Variants in FIGNL2 observed in about 807,000 individuals in gnomAD.
The protein encoded by FIGNL2 is fidgetin like 2.
For synonymous variants in FIGNL2, 565 were observed against 484.0 expected, an observed-to-expected ratio of 1.17 and a Z score of -2.20; for missense variants, 1,060 against 950.2, an observed-to-expected ratio of 1.12 and a Z score of -1.52.
chr12:51,821,731 G>A lies in FIGNL2; in HGVS notation c.683C>T (p.Ala228Val). The A allele has an allele frequency of 1.5e-6, 2 of 1,302,190 alleles. No homozygotes were observed. Among genetic ancestry groups the A allele is most frequent in the Admixed American group, 4.2e-5 (1 of 23,680 alleles). 80.7% of individuals were successfully genotyped at this position (1,302,190 alleles called of 1,614,324 possible). ...GGGCAGGCCCGGGGTCAGGTAGGGG[G>A]CCGGGGGTGGGCCTGGGGGCGGCGG... ...ALPPPPGPPP[A>V]PYLTPGLPAP... The change falls in exon 2 of 2, where the codon GCC becomes GTC. Residue 228 changes from alanine (A) to valine (V), a missense_variant. Coordinates refer to ENST00000618634, the MANE Select transcript of FIGNL2 (RefSeq NM_001384995.1).
At chr12:51,844,329 C>T (rs1175972322) in intron 1 of FIGNL2, among the ~76,000 whole-genome samples, 17 of 152,202 alleles carry the variant, frequency 1.1e-4, no homozygotes, top group Admixed American at 1.1e-3. Context: ...TAAGAACCCC[C>T]ACTCTGCCTC....
chr12:51,844,626 C>A, intron 1 of FIGNL2: 1 of 861,954 alleles, frequency 1.2e-6, no homozygotes, highest in African/African-American at 1.8e-5. Context: ...AGATGAGATA[C>A]AGAGTGTTTA....
chr12:51,829,630 AGTGTGCCAGCCACT>A (rs1939412385), intron 1 of FIGNL2, among the ~76,000 whole-genome samples: 1 of 152,114 alleles, frequency 6.6e-6, no homozygotes, highest in African/African-American at 2.4e-5. Flanking sequence ...TGATACCTTG[AGTGTGCCAGCCACT>A]GTGTGCCAGC....
chr12:51,827,072 T>A (rs1939360980), intron 1 of FIGNL2, among the ~76,000 whole-genome samples: 1 of 152,320 alleles, frequency 6.6e-6, no homozygotes, highest in South Asian at 2.1e-4. Flanking sequence ...GAAAATGCTG[T>A]CTCCCTGCCC....
intron 1 of FIGNL2, among the ~76,000 whole-genome samples, chr12:51,834,793 C>T (rs563700978): frequency 2.0e-5 from 3 of 152,372 alleles, no homozygotes; most frequent in African/African-American, 7.2e-5. Flanking sequence ...GCCAGGGGCC[C>T]AGCACCCTTG....
Position 51,821,828 on chromosome 12 carries a change from A to C in FIGNL2, c.586T>G (p.Tyr196Asp). ...ALLQPPPPPG[Y>D]GPSAPLYNYP... ...TTGTACAGCGGCGCTGAGGGCCCGT[A>C]CCCCGGAGGCGGTGGGGGCTGCAGG... is the stretch of plus-strand genomic sequence containing the variant. Residue 196 changes from tyrosine (Y) to aspartate (D), a missense_variant, in exon 2 of 2, where the codon TAC becomes GAC. By Grantham distance (160) the Tyr-to-Asp change is radical (BLOSUM62 -3). Coordinates refer to ENST00000618634, the MANE Select transcript of FIGNL2 (RefSeq NM_001384995.1). 1 of 1,275,824 alleles carries C rather than the reference A, an allele frequency of 7.8e-7. No individual in the cohort carries two copies. The highest frequency in any genetic ancestry group is 9.9e-7 in the Non-Finnish European group (1 of 1,015,134). The allele number at this position is 1,275,824 out of a possible 1,614,324, so 79.0% of individuals were successfully genotyped here.
At chr12:51,823,617 C>G (rs1401318713) in intron 1 of FIGNL2, 1 of 152,242 alleles carries the variant, frequency 6.6e-6, no homozygotes, top group East Asian at 1.9e-4. Context: ...AGGCACAGGG[C>G]TCCTGTGGGC....
At position 51,821,373 on chromosome 12, in the gene FIGNL2, CT is replaced by C; in HGVS notation, c.1040del (p.Lys347SerfsTer32). ...GAGGAGCCGGGGCCCGCTCCGGGAA[CT>C]TTTCAAAGGGCTCCAGTTGCGGGCC... is the stretch of plus-strand genomic sequence containing the variant. The part of the protein sequence containing the change: ...VYGPQLEPFE[K>X]FPERAPAPRG... On this transcript the variant is annotated frameshift_variant, in exon 2 of 2. Transcript: ENST00000618634. LOFTEE classifies it low-confidence loss of function (END_TRUNC). 6.6e-7 allele frequency: 1 copy of C among 1,507,370 alleles called. No individual in the cohort carries two copies. The allele number at this position is 1,507,370 out of a possible 1,614,324, so 93.4% of individuals were successfully genotyped here. A position where few individuals can be genotyped will look rare whatever the true frequency, so the allele number is the denominator to read the frequency against.
chr12:51,834,638 G>A lies in FIGNL2; in HGVS notation c.-11-12214C>T, dbSNP rs1939550422. Reference sequence around the variant, plus strand: ...GCCAAACAGCAGGAGGTCGGCCTGGGAGAAGCTGGCCAAGCGGCCCCCATC... The same window carrying A: ...GCCAAACAGCAGGAGGTCGGCCTGGAAGAAGCTGGCCAAGCGGCCCCCATC... On this transcript the variant is annotated intron_variant, in intron 1 of 1. Transcript: ENST00000618634. Among the ~76,000 whole-genome samples the A allele has an allele frequency of 2.0e-5, 3 of 152,340 alleles. No homozygotes were observed. In the South Asian group the frequency reaches 6.2e-4, roughly 32 times the overall value.
intron 1 of FIGNL2, among the ~76,000 whole-genome samples, chr12:51,822,867 T>TA (rs2078216445): frequency 6.6e-6 from 1 of 152,220 alleles, no homozygotes; most frequent in South Asian, 2.1e-4. Context: ...TGCTGGCCAC[T>TA]ACAGAGGCAC....
At position 51,822,402 on chromosome 12, in the gene FIGNL2, T is replaced by C; in HGVS notation, c.12A>G (p.Thr4=). 2 of 1,613,572 alleles carry C rather than the reference T, an allele frequency of 1.2e-6. No homozygotes were observed. The highest frequency in any genetic ancestry group is 2.7e-5 in the African/African-American group (2 of 75,010). ...GGTTGAGGGGCTGGGCGTGTTCTGG[T>C]GTCCAGTGCATCTTCAACAGAGCTG... is the stretch of plus-strand genomic sequence containing the variant. MHW[T]PEHAQPLNQW... is the part of the protein sequence containing the mutation. The change falls in exon 2 of 2, where the codon ACA becomes ACG. Residue 4 remains threonine, a synonymous_variant. Transcript: ENST00000618634.
rs892425803 is a variant in FIGNL2 at position 51,818,857 on chromosome 12, G to C, written c.*1595C>G. On this transcript the variant is annotated 3_prime_UTR_variant, in exon 2 of 2. Coordinates refer to ENST00000618634, the MANE Select transcript of FIGNL2 (RefSeq NM_001384995.1). ...AGGAGAGAAATATGGTTCTTGGAAG[G>C]GTTCCAAGCCTAGTGGAAAGTTCAG... 1 of 152,270 alleles carries C rather than the reference G, an allele frequency of 6.6e-6. No individual in the cohort carries two copies. The highest frequency in any genetic ancestry group is 1.5e-5 in the Non-Finnish European group (1 of 68,138). The allele number at this position is 152,270 out of a possible 1,614,324, so 9.4% of individuals were successfully genotyped here.
intron 1 of FIGNL2, among the ~76,000 whole-genome samples, chr12:51,834,713 A>G (rs974702944): frequency 9.9e-5 from 15 of 152,212 alleles, no homozygotes; most frequent in African/African-American, 3.6e-4. Context: ...CAGCACAGAT[A>G]TCCCTGCCTG....
intron 1 of FIGNL2, chr12:51,846,906 G>C: frequency 1.3e-6 from 1 of 794,416 alleles, no homozygotes; most frequent in Non-Finnish European, 1.5e-6. Flanking sequence ...GAATCAAGTG[G>C]AAAGAAATGA....
At chr12:51,834,141 A>AC (rs1939539491) in intron 1 of FIGNL2, among the ~76,000 whole-genome samples, 1 of 151,766 alleles carries the variant, frequency 6.6e-6, no homozygotes, top group Non-Finnish European at 1.5e-5. Flanking sequence ...GGATGGATGG[A>AC]TGATCCTAGA....
At chr12:51,840,761 A>C (rs1348833810) in intron 1 of FIGNL2, among the ~76,000 whole-genome samples, 1 of 152,172 alleles carries the variant, frequency 6.6e-6, no homozygotes, top group Non-Finnish European at 1.5e-5. Context: ...ATTGGAATAC[A>C]GTTATCTGCA....
chr12:51,848,108 G>T (rs1939791491), intron 1 of FIGNL2: 1 of 984,552 alleles, frequency 1.0e-6, no homozygotes, highest in Non-Finnish European at 1.2e-6. Flanking sequence ...GGGGCCGCTG[G>T]ACAAAGACCT....
chr12:51,827,185 G>A (rs964222271), intron 1 of FIGNL2, among the ~76,000 whole-genome samples: 6 of 152,196 alleles, frequency 3.9e-5, no homozygotes, highest in African/African-American at 1.4e-4. Flanking sequence ...TCCCCAGGAC[G>A]GGGACCCCAT....
chr12:51,828,130 G>C (rs755309342), intron 1 of FIGNL2, among the ~76,000 whole-genome samples: 3 of 152,192 alleles, frequency 2.0e-5, no homozygotes, highest in African/African-American at 7.2e-5. Flanking sequence ...CCCGAGTGCT[G>C]TGTATTTACC....
Sources: allele counts gnomAD v4.1 joint callset (sites outside exome capture counted in the v4.1 genomes callset), GRCh38; gene constraint gnomAD v4.1.1; transcripts MANE v1.5; gene names NCBI Gene and HGNC (gene_info 2026-07-23, HGNC 2026-07-21).